BBS7: variants seen among roughly 807,000 people sequenced by gnomAD.
BBS7 encodes Bardet-Biedl syndrome 7.
Under a neutral mutation model 90.3 loss-of-function variants are expected in BBS7, and 50 were observed. The observed-to-expected ratio is 0.55, with a 90% confidence interval of 0.44 to 0.70. The LOEUF (loss-of-function observed/expected upper bound fraction) is 0.70, where lower values mean the gene tolerates loss of function less well. Among genes scored for constraint, BBS7 ranks in the 30% least tolerant of loss-of-function variants. The probability of loss-of-function intolerance (pLI) is 0.00; values close to 1 mark genes in which losing one functional copy is unlikely to be tolerated. For synonymous variants in BBS7, 235 were observed against 287.4 expected (o/e 0.82, Z 1.85); for missense variants, 729 against 838.9 (o/e 0.87, Z 1.62).
intron 10 of BBS7, among the ~76,000 whole-genome samples, chr4:121,846,534 C>G (rs1350254182): frequency 6.6e-6 from 1 of 151,992 alleles, no homozygotes; most frequent in Non-Finnish European, 1.5e-5. Context: ...AGCTTACATT[C>G]CAGTGGAATC....
intron 13 of BBS7, among the ~76,000 whole-genome samples, chr4:121,835,984 G>C (rs1208285954): frequency 1.3e-5 from 2 of 152,108 alleles, no homozygotes; most frequent in Non-Finnish European, 2.9e-5. Flanking sequence ...CAAAAAAAGA[G>C]AGTATTTAGC....
chr4:121,852,866 T>C (rs1403332739), intron 8 of BBS7, 90 bp downstream of exon 8: 1 of 1,322,516 alleles, frequency 7.6e-7, no homozygotes, highest in East Asian at 2.5e-5. Flanking sequence ...AAGATTTTAA[T>C]ATATTTTCAC....
chr4:121,851,384 A>AG (rs1726310411), intron 8 of BBS7, among the ~76,000 whole-genome samples: 1 of 150,342 alleles, frequency 6.7e-6, no homozygotes, highest in Non-Finnish European at 1.5e-5. Context: ...AGCAGGAAAA[A>AG]AAAAAAAAAG....
In BBS7 at chr4:121,839,653, T is replaced by C. The variant is rs1725627699; in HGVS notation, c.1349A>G (p.Asp450Gly). 1.2e-6 allele frequency: 2 copies of C among 1,613,836 alleles called. No homozygotes were observed. The highest frequency in any genetic ancestry group is 1.7e-6 in the Non-Finnish European group (2 of 1,179,766). Residue 450 changes from aspartate to glycine, a missense_variant, in exon 13 of 19, where the codon GAT becomes GGT. Physicochemically the swap from Asp to Gly is moderately conservative, Grantham distance 94. Coordinates refer to ENST00000264499, the MANE Select transcript of BBS7 (RefSeq NM_176824.3). Reference protein sequence around the residue: ...FLLATYRCQADTTRLELKIRS... With the variant: ...FLLATYRCQAGTTRLELKIRS... ...TACCTTGAGTTCCAGCCTTGTAGTA[T>C]CTGCCTGGCACCGATAAGTGGCAAG...
chr4:121,866,185 GTTGA>G (rs1198114488), intron 2 of BBS7, among the ~76,000 whole-genome samples: 4 of 152,018 alleles, frequency 2.6e-5, no homozygotes, highest in African/African-American at 7.2e-5. Context: ...TTTCACTCTT[GTTGA>G]TTGTTTCCTT....
At chr4:121,838,033 G>A (rs1276404279) in intron 13 of BBS7, among the ~76,000 whole-genome samples, 1 of 151,890 alleles carries the variant, frequency 6.6e-6, no homozygotes, top group Non-Finnish European at 1.5e-5. Flanking sequence ...GTACCAGGGA[G>A]GTGGAGGTTG....
intron 12 of BBS7, among the ~76,000 whole-genome samples, chr4:121,843,177 G>T (rs1725829874): frequency 6.6e-6 from 1 of 152,090 alleles, no homozygotes; most frequent in South Asian, 2.1e-4. Flanking sequence ...GCTGAATCAT[G>T]GAAAGTTTTC....
At chr4:121,848,802 T>C (rs1194404236) in intron 9 of BBS7, 42 bp downstream of exon 9, 2 of 1,504,820 alleles carry the variant, frequency 1.3e-6, no homozygotes, top group Admixed American at 1.7e-5. Context: ...ATTTTTTTTG[T>C]TGTTGACTCT....
intron 5 of BBS7, among the ~76,000 whole-genome samples, chr4:121,855,899 T>C (rs1315812386): frequency 7.0e-6 from 1 of 142,312 alleles, no homozygotes; most frequent in African/African-American, 2.8e-5. Flanking sequence ...CATACATGTA[T>C]GTGTATATAT....
intron 6 of BBS7, 61 bp downstream of exon 6, chr4:121,855,428 T>C: frequency 6.8e-7 from 1 of 1,466,706 alleles, no homozygotes; most frequent in Middle Eastern, 1.7e-4. Context: ...TTCTACAATT[T>C]CCCATTTTCA....
chr4:121,842,226 C>G (rs1004495865), intron 12 of BBS7, among the ~76,000 whole-genome samples: 4 of 134,804 alleles, frequency 3.0e-5, no homozygotes, highest in Non-Finnish European at 3.1e-5. Flanking sequence ...GCACTCCAGC[C>G]TGGGTGAGGA....
In BBS7 at chr4:121,861,642, C is replaced by T; in HGVS notation, c.203G>A (p.Arg68Lys). The change falls in exon 4 of 19, where the codon AGG (arginine) becomes AAG (lysine). Residue 68 changes from arginine to lysine, a missense_variant. Physicochemically the swap from Arg to Lys is conservative, Grantham distance 26. Transcript: ENST00000264499. ...FKTLPGPKIARLELGGVINTP... is the reference protein window; with the variant it reads ...FKTLPGPKIAKLELGGVINTP... ...GTTGATAACCCCTCCCAGTTCCAGC[C>T]TTGCAATCTTCGGCCCGGGTAAAGT... 1.2e-6 allele frequency: 2 copies of T among 1,613,610 alleles called. No homozygotes were observed. Among genetic ancestry groups the T allele is most frequent in the Non-Finnish European group, 8.5e-7 (1 of 1,179,762 alleles).
Position 121,870,453 on chromosome 4 carries a change from G to A in BBS7, c.-140C>T. 2 of 892,958 alleles carry A rather than the reference G, an allele frequency of 2.2e-6. No homozygotes were observed. The highest frequency in any genetic ancestry group is 2.0e-5 in the Admixed American group (1 of 48,852). 55.3% of individuals were successfully genotyped at this position (892,958 alleles called of 1,614,324 possible). ...CCCAGCTACCGCGCCTAGGTCCTGG[G>A]CTGCACAGGCGGGGCGACAGGGCAG... On this transcript the variant is annotated 5_prime_UTR_variant, in exon 1 of 19. Coordinates refer to ENST00000264499, the MANE Select transcript of BBS7 (RefSeq NM_176824.3).
intron 12 of BBS7, among the ~76,000 whole-genome samples, chr4:121,840,680 A>ATAATTTATATG (rs1226942307): frequency 9.2e-5 from 14 of 152,066 alleles, no homozygotes; most frequent in Non-Finnish European, 1.9e-4. Context: ...GCAACATAAG[A>ATAATTTATATG]TAATTTATAT....
rs1363643158 is a variant in BBS7 at position 121,838,205 on chromosome 4, C to G, written c.1371+1426G>C. Among the ~76,000 whole-genome samples, 9 of 150,224 alleles carry G rather than the reference C, an allele frequency of 6.0e-5. No homozygotes were observed. In the East Asian group the frequency reaches 1.8e-3, roughly 29 times the overall value. On this transcript the variant is annotated intron_variant, in intron 13 of 18. Transcript: ENST00000264499. ...TGTAAAATGTTTAAATGTGTTTTTT[C>G]TTTTAGAAATAAATTTATCCTAGTT...
rs1003873242 is a variant in BBS7, at chr4:121,870,425, A to G, written c.-112T>C. 7.8e-7 allele frequency: 1 copy of G among 1,278,022 alleles called. No individual in the cohort carries two copies. Among genetic ancestry groups the G allele is most frequent in the African/African-American group, 1.5e-5 (1 of 68,054 alleles). 79.2% of individuals were successfully genotyped at this position (1,278,022 alleles called of 1,614,324 possible). A position where few individuals can be genotyped will look rare whatever the true frequency, so the allele number is the denominator to read the frequency against. On this transcript the variant is annotated 5_prime_UTR_variant, in exon 1 of 19. Coordinates refer to ENST00000264499, the MANE Select transcript of BBS7 (RefSeq NM_176824.3). Reference sequence around the variant, plus strand: ...AGGCTGCCCGCGCCCCTCAAAAGCCAGCCCCAGCTACCGCGCCTAGGTCCT... The same window carrying G: ...AGGCTGCCCGCGCCCCTCAAAAGCCGGCCCCAGCTACCGCGCCTAGGTCCT...
At chr4:121,854,335 G>A (rs116602939) in intron 7 of BBS7, among the ~76,000 whole-genome samples, 280 of 152,146 alleles carry the variant, frequency 1.8e-3, no homozygotes, top group African/African-American at 6.5e-3. Context: ...TAGAAAACAG[G>A]AATATTCTCT....
intron 12 of BBS7, among the ~76,000 whole-genome samples, chr4:121,843,184 T>G (rs1347374305): frequency 1.3e-5 from 2 of 152,162 alleles, no homozygotes; most frequent in Non-Finnish European, 2.9e-5. Flanking sequence ...CATGGAAAGT[T>G]TTCTATGCCA....
At position 121,859,086 on chromosome 4, in the gene BBS7, T is replaced by A; in HGVS notation, c.434A>T (p.Asp145Val). The A allele has an allele frequency of 1.2e-6, 2 of 1,613,908 alleles. No homozygotes were observed. Among genetic ancestry groups the A allele is most frequent in the Non-Finnish European group, 1.7e-6 (2 of 1,179,848 alleles). Residue 145 changes from aspartate (D) to valine (V), a missense_variant, in exon 5 of 19, where the codon GAT becomes GTT. Transcript: ENST00000264499. The part of the protein sequence containing the change: ...CKDQHYYLSG[D>V]KINDVICLPV... ...AAGGCAGATCACATCATTGATTTTA[T>A]CCCCAGAAAGGTAATAATGTTGGTC...
Sources: gnomAD v4.1 joint callset for allele counts (sites outside exome capture counted in the v4.1 genomes callset) on GRCh38, gnomAD v4.1.1 for gene constraint, MANE v1.5 for transcripts, NCBI Gene and HGNC (gene_info 2026-07-23, HGNC 2026-07-21) for gene names.